Variants in CYP46A1 observed in about 807,000 individuals in gnomAD.
The protein encoded by CYP46A1 is cholesterol 24-hydroxylase.
CYP46A1 carries 20 observed loss-of-function variants against 63.3 expected under a neutral mutation model. The observed-to-expected ratio is 0.32, with a 90% confidence interval of 0.22 to 0.46. The LOEUF (loss-of-function observed/expected upper bound fraction) is 0.46, where lower values mean the gene tolerates loss of function less well. Among genes scored for constraint, CYP46A1 ranks in the 20% least tolerant of loss-of-function variants. CYP46A1 has a pLI of 1.00. For missense variants in CYP46A1, 445 were observed against 670.8 expected (o/e 0.66, Z 3.72); for synonymous variants, 268 against 273.6 (o/e 0.98, Z 0.20).
At position 99,685,498 on chromosome 14, in the gene CYP46A1, C is replaced by G. The variant is rs182319406; in HGVS notation, c.119+962C>G. Among the ~76,000 whole-genome samples the G allele has an allele frequency of 3.9e-3, 586 of 151,922 alleles. 2 individuals are homozygous for G. Among genetic ancestry groups the G allele is most frequent in the Middle Eastern group, 6.9e-3 (2 of 290 alleles). The stretch of plus-strand genomic sequence containing the variant: ...TCTTTCCACCTGTTGACTGTCTGTT[C>G]ACCTGTTGACTGTCTCCCCCTCTAG... On this transcript the variant is annotated intron_variant, in intron 1 of 14. Transcript: ENST00000261835.
At position 99,725,942 on chromosome 14, in the gene CYP46A1, G is replaced by C. The variant is rs2056892063; in HGVS notation, c.1266-248G>C. 6.6e-6 allele frequency among the ~76,000 whole-genome samples: 1 copy of C among 152,170 alleles called. No individual in the cohort carries two copies. Among genetic ancestry groups the C allele is most frequent in the Non-Finnish European group, 1.5e-5 (1 of 68,034 alleles). On this transcript the variant is annotated intron_variant, in intron 13 of 14. Transcript: ENST00000261835. This position sits in a 1 kb window ranked among gnomAD's most constrained non-coding sequence, Gnocchi z 4.2. ...CTGGAGTGAGTTGTTTTGCCCCTCT[G>C]AGCCTCAGTTTCTCCATCTGTGAAA...
At chr14:99,694,413 C>T (rs556772379) in intron 3 of CYP46A1, among the ~76,000 whole-genome samples, 1 of 121,364 alleles carries the variant, frequency 8.2e-6, no homozygotes, top group East Asian at 2.4e-4. Context: ...AAAGGTTTAT[C>T]AATTTTATTC....
chr14:99,721,419 A>G, intron 11 of CYP46A1, 96 bp downstream of exon 11: 1 of 873,502 alleles, frequency 1.1e-6, no homozygotes, highest in Non-Finnish European at 1.9e-6. Context: ...TGGTTCTCAA[A>G]CTTTGCTGCA....
intron 10 of CYP46A1, among the ~76,000 whole-genome samples, chr14:99,720,610 C>A (rs2140139609): frequency 6.6e-6 from 1 of 152,162 alleles, no homozygotes; most frequent in Non-Finnish European, 1.5e-5. Context: ...AGGCACCCAC[C>A]ACCACTCCCG....
chr14:99,689,453 C>T (rs773492146), intron 1 of CYP46A1, among the ~76,000 whole-genome samples: 1 of 151,900 alleles, frequency 6.6e-6, no homozygotes, highest in Non-Finnish European at 1.5e-5. Context: ...AGAGCTACCC[C>T]AGAAGTGGAG....
At chr14:99,687,799 C>T (rs975445037) in intron 1 of CYP46A1, among the ~76,000 whole-genome samples, 1 of 152,170 alleles carries the variant, frequency 6.6e-6, no homozygotes. Context: ...TCTCCCAGGG[C>T]TGCTCTGCTG....
chr14:99,716,348 GC>G, intron 9 of CYP46A1, 149 bp downstream of exon 9: 1 of 767,898 alleles, frequency 1.3e-6, no homozygotes, highest in Non-Finnish European at 2.2e-6. Context: ...GGGAGCAGAA[GC>G]CCCATCTCCT....
intron 3 of CYP46A1, among the ~76,000 whole-genome samples, chr14:99,697,220 C>T (rs556602721): frequency 5.9e-5 from 9 of 152,336 alleles, no homozygotes; most frequent in East Asian, 1.9e-4. Context: ...GCAGATGCTG[C>T]GTAGGAGCTC....
chr14:99,720,455 C>T (rs116569290), intron 10 of CYP46A1, among the ~76,000 whole-genome samples: 2,857 of 130,518 alleles, frequency 0.022, 91 homozygotes, highest in African/African-American at 0.075. Context: ...GGTCCAGATC[C>T]ACTCTTTTTT....
intron 12 of CYP46A1, among the ~76,000 whole-genome samples, chr14:99,724,625 G>T (rs1047119156): frequency 6.6e-6 from 1 of 152,158 alleles, no homozygotes; most frequent in African/African-American, 2.4e-5. Flanking sequence ...TGTTAGGTGG[G>T]GGGAGTGGTG....
intron 1 of CYP46A1, among the ~76,000 whole-genome samples, chr14:99,685,500 C>T (rs1049676703): frequency 6.6e-6 from 1 of 151,848 alleles, no homozygotes; most frequent in Non-Finnish European, 1.5e-5. Context: ...TGTCTGTTCA[C>T]CTGTTGACTG....
chr14:99,702,706 AT>A (rs1007032946), intron 5 of CYP46A1, among the ~76,000 whole-genome samples: 8 of 152,030 alleles, frequency 5.3e-5, no homozygotes, highest in African/African-American at 1.9e-4. Context: ...ATATATTTAT[AT>A]TTTTTATATA....
At position 99,722,678 on chromosome 14, in the gene CYP46A1, T is replaced by TGTGTGTGTGTGTGTGC. The variant is rs1491237225; in HGVS notation, c.1176+613_1176+614insTGTGTGTGTGTGTGCG. ...GTGTGTGTGTGTGTGTGTGTGTGTG[T>TGTGTGTGTGTGTGTGC]GCCTGTGTGCATTCACGCAGTAATA... On this transcript the variant is annotated intron_variant, in intron 12 of 14. Coordinates refer to ENST00000261835, the MANE Select transcript of CYP46A1 (RefSeq NM_006668.2). This position sits in a 1 kb window ranked among gnomAD's most constrained non-coding sequence, Gnocchi z 4.6. Among the ~76,000 whole-genome samples, 4 of 150,138 alleles carry TGTGTGTGTGTGTGTGC rather than the reference T, an allele frequency of 2.7e-5. No homozygotes were observed. Among genetic ancestry groups the TGTGTGTGTGTGTGTGC allele is most frequent in the South Asian group, 2.1e-4 (1 of 4,770 alleles).
At chr14:99,684,642 C>G in intron 1 of CYP46A1, 106 bp downstream of exon 1, 1 of 976,576 alleles carries the variant, frequency 1.0e-6, no homozygotes, top group Admixed American at 2.2e-5. Flanking sequence ...GCCTAGTGCG[C>G]GCGGCCGCTG....
intron 3 of CYP46A1, among the ~76,000 whole-genome samples, chr14:99,692,837 GAA>G (rs555715692): frequency 7.0e-6 from 1 of 142,360 alleles, no homozygotes; most frequent in African/African-American, 2.6e-5. Context: ...CTCCAAAAAA[GAA>G]AAAAAAAAAG....
intron 3 of CYP46A1, chr14:99,695,511 G>A (rs547564733): frequency 1.1e-5 from 4 of 361,342 alleles, no homozygotes; most frequent in Non-Finnish European, 1.7e-5. Context: ...TCTTTATGAT[G>A]AATTGACTCT....
chr14:99,710,482 A>C (rs1396174838), intron 7 of CYP46A1: 6 of 151,070 alleles, frequency 4.0e-5, no homozygotes, highest in African/African-American at 1.5e-4. Flanking sequence ...AAAGGAATGG[A>C]AAAAGATATT....
At position 99,725,504 on chromosome 14, in the gene CYP46A1, T is replaced by C; in HGVS notation, c.1265+25T>C. On this transcript the variant is annotated intron_variant, in intron 13 of 14. Transcript: ENST00000261835. This position sits in a 1 kb window ranked among gnomAD's most constrained non-coding sequence, Gnocchi z 4.2. ...AGTAAGTCCCTCCTGGAGCTGCCCATGAGTGGGGCTGGCGGGAGAAGGACA... is the reference window on the plus strand; with the variant it reads ...AGTAAGTCCCTCCTGGAGCTGCCCACGAGTGGGGCTGGCGGGAGAAGGACA... 4 of 1,568,412 alleles carry C rather than the reference T, an allele frequency of 2.6e-6. No homozygotes were observed. Among genetic ancestry groups the C allele is most frequent in the Non-Finnish European group, 3.5e-6 (4 of 1,138,444 alleles).
intron 3 of CYP46A1, among the ~76,000 whole-genome samples, chr14:99,698,542 G>A (rs756082085): frequency 3.9e-5 from 6 of 152,162 alleles, no homozygotes; most frequent in Non-Finnish European, 8.8e-5. Context: ...CTGTGCACCT[G>A]GCATTTATTG....
Sources: allele counts gnomAD v4.1 joint callset (sites outside exome capture counted in the v4.1 genomes callset), GRCh38; gene constraint gnomAD v4.1.1; non-coding constraint Gnocchi (gnomAD v3.1); transcripts MANE v1.5; gene names NCBI Gene and HGNC (gene_info 2026-07-23, HGNC 2026-07-21).